The following DIAPH2 variants were observed in gnomAD, a reference collection of about 807,000 sequenced individuals.
The protein encoded by DIAPH2 is diaphanous related formin 2.
In DIAPH2, 35 loss-of-function variants were observed where a neutral mutation model predicts 92.7. That is an observed-to-expected ratio of 0.38 (90% confidence interval 0.29 to 0.50). DIAPH2 has a LOEUF of 0.50. DIAPH2 is among the 20% of genes least tolerant of loss of function. The pLI is 0.94. For synonymous variants in DIAPH2, 301 were observed against 280.4 expected (o/e 1.07, Z -0.73); for missense variants, 701 against 819.5 (o/e 0.86, Z 1.77).
rs750921840 is a variant in DIAPH2 at position 97,281,405 on chromosome X, G to A, written c.2844+33566G>A. ...TGGGTAGATCATTTAAGGCTCCTGC[G>A]CCCTTTAATATATTACCTAGAAATG... is the stretch of plus-strand genomic sequence containing the variant. On this transcript the variant is annotated intron_variant, in intron 23 of 26. Transcript: ENST00000324765. Among the ~76,000 whole-genome samples, 14 of 110,436 alleles carry A rather than the reference G, an allele frequency of 1.3e-4. No individual in the cohort carries two copies. The East Asian group carries it at 2.6e-3, about 20-fold the overall frequency.
intron 25 of DIAPH2, among the ~76,000 whole-genome samples, chrX:97,388,759 A>G (rs1331688890): frequency 8.9e-6 from 1 of 111,829 alleles, no homozygotes; most frequent in African/African-American, 3.2e-5. Flanking sequence ...TGAAACTGAG[A>G]TAATTTTAAA....
chrX:97,185,327 GTATATATATA>G (rs1262703134), intron 22 of DIAPH2, among the ~76,000 whole-genome samples: 41 of 3,870 alleles, frequency 0.011, 3 homozygotes, highest in African/African-American at 0.042. Flanking sequence ...ATATATATGT[GTATATATATA>G]TATGTATATA....
intron 4 of DIAPH2, among the ~76,000 whole-genome samples, chrX:96,790,353 G>A (rs759355014): frequency 9.0e-6 from 1 of 111,721 alleles, no homozygotes; most frequent in Admixed American, 9.5e-5. Context: ...TTACAGGCAT[G>A]AGCCACCATG....
chrX:97,310,506 G>A (rs1178339051), intron 23 of DIAPH2, among the ~76,000 whole-genome samples: 1 of 111,897 alleles, frequency 8.9e-6, no homozygotes, highest in African/African-American at 3.2e-5. Flanking sequence ...TCTAAAGAAA[G>A]TTAAGTCATG....
At chrX:97,116,039 A>G (rs1461228535) in intron 21 of DIAPH2, among the ~76,000 whole-genome samples, 1 of 111,875 alleles carries the variant, frequency 8.9e-6, no homozygotes, top group Non-Finnish European at 1.9e-5. Context: ...TTTTTCTCTC[A>G]CATCTGAAAA....
chrX:97,106,138 T>A (rs767662522), intron 20 of DIAPH2, among the ~76,000 whole-genome samples: 1 of 111,940 alleles, frequency 8.9e-6, no homozygotes, highest in African/African-American at 3.2e-5. Context: ...TCCATTAATA[T>A]CAAATCATTT....
At position 96,723,192 on chromosome X, in the gene DIAPH2, G is replaced by A. The variant is rs965987210; in HGVS notation, c.133-12566G>A. Among the ~76,000 whole-genome samples, 3 of 111,973 alleles carry A rather than the reference G, an allele frequency of 2.7e-5. No homozygotes were observed. The East Asian group carries it at 8.5e-4, about 32-fold the overall frequency. ...GAAAATGAAGAGACCTTTTAACCTG[G>A]TGGGTCAAGTTTGACTTAAGTTCTT... On this transcript the variant is annotated intron_variant, in intron 1 of 26. Coordinates refer to ENST00000324765, the MANE Select transcript of DIAPH2 (RefSeq NM_006729.5).
chrX:96,944,713 A>G (rs1174587151), intron 13 of DIAPH2, among the ~76,000 whole-genome samples: 1 of 111,973 alleles, frequency 8.9e-6, no homozygotes, highest in Admixed American at 9.5e-5. Flanking sequence ...ATGTATCAAT[A>G]GTTCATTCCT....
At chrX:97,210,433 C>CT (rs2147504518) in intron 22 of DIAPH2, among the ~76,000 whole-genome samples, 1 of 111,402 alleles carries the variant, frequency 9.0e-6, no homozygotes, top group East Asian at 2.8e-4. Flanking sequence ...AGGAAAATGT[C>CT]TTGAGTTAAG....
At chrX:97,367,302 T>C (rs1326275609) in intron 24 of DIAPH2, among the ~76,000 whole-genome samples, 1 of 111,776 alleles carries the variant, frequency 8.9e-6, no homozygotes, top group African/African-American at 3.3e-5. Flanking sequence ...ATCTAGGTCA[T>C]GATCAAGGAT....
At chrX:96,902,366 G>A (rs1000265083) in intron 5 of DIAPH2, among the ~76,000 whole-genome samples, 3 of 111,484 alleles carry the variant, frequency 2.7e-5, no homozygotes, top group Non-Finnish European at 3.8e-5. Context: ...GGTCTGTCTC[G>A]TGCTGTCAGT....
At chrX:97,454,272 C>A (rs1005259587) in intron 26 of DIAPH2, among the ~76,000 whole-genome samples, 1 of 110,973 alleles carries the variant, frequency 9.0e-6, no homozygotes, top group Non-Finnish European at 1.9e-5. Flanking sequence ...AGCACTAAGA[C>A]GTGATAGTTA....
intron 23 of DIAPH2, among the ~76,000 whole-genome samples, chrX:97,283,084 AC>A (rs1234452750): frequency 8.9e-6 from 1 of 111,768 alleles, no homozygotes; most frequent in Non-Finnish European, 1.9e-5. Context: ...GTATTCCTAA[AC>A]CAGTTATGTA....
intron 17 of DIAPH2, among the ~76,000 whole-genome samples, chrX:97,049,598 G>A (rs1407047675): frequency 3.6e-5 from 4 of 111,150 alleles, no homozygotes; most frequent in Non-Finnish European, 7.6e-5. Context: ...TATCTTTATT[G>A]TAGTTGGGAC....
At chrX:97,234,341 A>G (rs1239401574) in intron 22 of DIAPH2, among the ~76,000 whole-genome samples, 1 of 106,883 alleles carries the variant, frequency 9.4e-6, no homozygotes, top group African/African-American at 3.4e-5. Flanking sequence ...CAAAAAAAAA[A>G]AAAAAAAGAA....
At chrX:96,765,168 TGA>T (rs1177921789) in intron 4 of DIAPH2, among the ~76,000 whole-genome samples, 1 of 105,349 alleles carries the variant, frequency 9.5e-6, no homozygotes, top group Non-Finnish European at 2.0e-5. Flanking sequence ...TAATACATTT[TGA>T]GAGAGAGAGA....
chrX:97,147,615 A>G (rs1234548923), intron 22 of DIAPH2, among the ~76,000 whole-genome samples: 1 of 111,161 alleles, frequency 9.0e-6, no homozygotes, highest in Non-Finnish European at 1.9e-5. Flanking sequence ...TTTTATTCAA[A>G]AGGGGGAAAT....
intron 23 of DIAPH2, among the ~76,000 whole-genome samples, chrX:97,341,918 A>G (rs969002271): frequency 1.8e-5 from 2 of 111,931 alleles, no homozygotes; most frequent in Non-Finnish European, 3.8e-5. Flanking sequence ...ACAATGTTTC[A>G]CCAGCTATCT....
At chrX:97,187,258 G>A (rs1358760334) in intron 22 of DIAPH2, among the ~76,000 whole-genome samples, 3 of 92,157 alleles carry the variant, frequency 3.3e-5, no homozygotes, top group Admixed American at 1.3e-4. Context: ...AGGGATTTAG[G>A]GATTGAAGAC....
Sources: gnomAD v4.1 joint callset for allele counts (sites outside exome capture counted in the v4.1 genomes callset) on GRCh38, gnomAD v4.1.1 for gene constraint, MANE v1.5 for transcripts, NCBI Gene and HGNC (gene_info 2026-07-23, HGNC 2026-07-21) for gene names.